ANK2: variants seen among roughly 807,000 people sequenced by gnomAD.
ANK2 encodes ankyrin 2.
In ANK2, 83 loss-of-function variants were observed where a neutral mutation model predicts 360.5. The ratio of observed to expected loss-of-function variants is 0.23; its 90% CI spans 0.19 to 0.28. ANK2 has a LOEUF of 0.28. ANK2 is among the 10% of genes least tolerant of loss of function. The pLI, the probability that ANK2 is intolerant of heterozygous loss-of-function variation, is 1.00. For missense variants in ANK2, 4,201 were observed against 4,795.7 expected (o/e 0.88, Z 3.66); for synonymous variants, 1,740 against 1,759.5 (o/e 0.99, Z 0.28).
intron 43 of ANK2, among the ~76,000 whole-genome samples, chr4:113,372,167 A>C (rs1364898915): frequency 6.6e-6 from 1 of 152,162 alleles, no homozygotes; most frequent in Non-Finnish European, 1.5e-5. Context: ...AGTGGCTCAT[A>C]AGTGTTTACT....
chr4:112,979,519 C>T (rs990152092), intron 2 of ANK2: 5 of 152,158 alleles, frequency 3.3e-5, no homozygotes, highest in Admixed American at 3.3e-4. Context: ...CAAGTTTCAG[C>T]CCTGTTTGTC....
intron 4 of ANK2, among the ~76,000 whole-genome samples, chr4:113,220,187 C>T (rs1012832274): frequency 1.3e-5 from 2 of 152,276 alleles, no homozygotes; most frequent in South Asian, 4.1e-4. Context: ...AAAGAGAATT[C>T]GAGTTTGGTG....
intron 4 of ANK2, among the ~76,000 whole-genome samples, chr4:113,211,514 G>C (rs1340795488): frequency 3.3e-5 from 5 of 152,264 alleles, no homozygotes; most frequent in Non-Finnish European, 5.9e-5. Flanking sequence ...ACCAAAAATT[G>C]TGGAAGCAAT....
At chr4:113,368,201 A>G (rs1458795571) in intron 42 of ANK2, among the ~76,000 whole-genome samples, 1 of 152,174 alleles carries the variant, frequency 6.6e-6, no homozygotes, top group Non-Finnish European at 1.5e-5. Flanking sequence ...TAAACTGTAA[A>G]ATTCCCTGTA....
At chr4:113,087,014 A>C (rs914663108) in intron 1 of ANK2, among the ~76,000 whole-genome samples, 3 of 152,218 alleles carry the variant, frequency 2.0e-5, no homozygotes, top group Non-Finnish European at 4.4e-5. Context: ...GACCTGACCA[A>C]GACAGTTCTT....
At chr4:113,161,288 A>G (rs78845030) in intron 1 of ANK2, among the ~76,000 whole-genome samples, 1,850 of 152,324 alleles carry the variant, frequency 0.012, 28 homozygotes, top group African/African-American at 0.042. Context: ...TTTTGTTGAC[A>G]GAGTTCCAAC....
At chr4:113,329,784 G>A (rs2091858826) in intron 26 of ANK2, among the ~76,000 whole-genome samples, 1 of 152,192 alleles carries the variant, frequency 6.6e-6, no homozygotes, top group Non-Finnish European at 1.5e-5. Context: ...TGTTGGAACA[G>A]GATGCAGAAA....
At position 113,358,633 on chromosome 4, in the gene ANK2, G is replaced by A. The variant is rs2095979744; in HGVS notation, c.10015G>A (p.Ala3339Thr). ...FLSSVDEENKADEAKPKSKLP... is the reference protein window; with the variant it reads ...FLSSVDEENKTDEAKPKSKLP... ...ATCCAGTGTAGATGAGGAAAATAAG[G>A]CGGATGAAGCAAAACCAAAGTCCAA... The change falls in exon 38 of 46, where the codon GCG becomes ACG. Residue 3339 changes from alanine (A) to threonine (T), a missense_variant. Coordinates refer to ENST00000357077, the MANE Select transcript of ANK2 (RefSeq NM_001148.6). 1.9e-6 allele frequency: 3 copies of A among 1,611,928 alleles called. No individual in the cohort carries two copies. The highest frequency in any genetic ancestry group is 2.5e-6 in the Non-Finnish European group (3 of 1,179,264).
chr4:113,228,361 C>T (rs1477267427), intron 4 of ANK2, among the ~76,000 whole-genome samples: 1 of 152,160 alleles, frequency 6.6e-6, no homozygotes, highest in Non-Finnish European at 1.5e-5. Context: ...CCCAAGTCCC[C>T]AAAGTCCATT....
At chr4:113,016,064 A>G (rs529728287) in intron 2 of ANK2, among the ~76,000 whole-genome samples, 36 of 151,858 alleles carry the variant, frequency 2.4e-4, no homozygotes, top group South Asian at 1.0e-3. Flanking sequence ...TTACTCTGTC[A>G]CTCAGGCAGG....
At chr4:113,305,041 T>C (rs1426868759) in intron 23 of ANK2, among the ~76,000 whole-genome samples, 1 of 152,114 alleles carries the variant, frequency 6.6e-6, no homozygotes, top group Admixed American at 6.6e-5. Context: ...ATAAACGAAA[T>C]TTATAAAAAA....
intron 1 of ANK2, among the ~76,000 whole-genome samples, chr4:113,145,155 A>G (rs755707401): frequency 1.3e-5 from 2 of 152,204 alleles, no homozygotes; most frequent in African/African-American, 4.8e-5. Context: ...CAAACTACAC[A>G]ATTATAAAAA....
chr4:112,778,031 G>A, the ANK2 span, among the ~76,000 whole-genome samples: 5 of 149,456 alleles, frequency 3.3e-5, 1 homozygote, highest in South Asian at 1.1e-3. Flanking sequence ...GTGCAATGGC[G>A]CGATCTCGGC....
chr4:113,308,987 T>A (rs2153813983), intron 23 of ANK2, among the ~76,000 whole-genome samples: 1 of 152,320 alleles, frequency 6.6e-6, no homozygotes, highest in East Asian at 1.9e-4. Flanking sequence ...CAGGGGCTCA[T>A]TAAATACATT....
chr4:113,291,104 T>C (rs1331678511), intron 20 of ANK2, among the ~76,000 whole-genome samples: 1 of 152,210 alleles, frequency 6.6e-6, no homozygotes, highest in Non-Finnish European at 1.5e-5. Context: ...TAGTGATATA[T>C]TATTTTATTA....
At position 112,963,820 on chromosome 4, in the gene ANK2, C is replaced by G. The variant is rs554725275; in HGVS notation, c.21+59306C>G. 3.3e-5 allele frequency among the ~76,000 whole-genome samples: 5 copies of G among 151,934 alleles called. No homozygotes were observed. In the South Asian group the frequency reaches 1.0e-3, roughly 32 times the overall value. On this transcript the variant is annotated intron_variant, in intron 2 of 30. Coordinates refer to the ANK2 transcript ENST00000503271. Reference sequence around the variant, plus strand: ...CAAAACATCTAACATTATTTTGAAACACAAAGTGGAAATTTAATAAAAATA... The same window carrying G: ...CAAAACATCTAACATTATTTTGAAAGACAAAGTGGAAATTTAATAAAAATA...
the ANK2 span, among the ~76,000 whole-genome samples, chr4:112,729,817 C>T: frequency 6.6e-6 from 1 of 151,330 alleles, no homozygotes; most frequent in Admixed American, 6.6e-5. Flanking sequence ...ACTACTCAGC[C>T]TTTAAAAAAG....
Position 113,348,057 on chromosome 4 carries a change from C to A in ANK2, c.4372-219C>A, listed in dbSNP as rs2095064033. 8.7e-6 allele frequency: 5 copies of A among 571,834 alleles called. No individual in the cohort carries two copies. The South Asian group carries it at 1.1e-4, about 13-fold the overall frequency. 35.4% of individuals were successfully genotyped at this position (571,834 alleles called of 1,614,324 possible). A position where few individuals can be genotyped will look rare whatever the true frequency, so the allele number is the denominator to read the frequency against. On this transcript the variant is annotated intron_variant, in intron 35 of 45. Coordinates refer to ENST00000357077, the MANE Select transcript of ANK2 (RefSeq NM_001148.6). The stretch of plus-strand genomic sequence containing the variant: ...AATTAGTATATTTATAATGTTGGTT[C>A]TTTTGTCTCTTGAATCTATAAACTT...
intron 4 of ANK2, among the ~76,000 whole-genome samples, chr4:113,199,712 A>G (rs1006456086): frequency 6.6e-6 from 1 of 152,068 alleles, no homozygotes; most frequent in African/African-American, 2.4e-5. Context: ...TTTACTCTTG[A>G]TATCTATTAT....
Sources: gnomAD v4.1 joint callset for allele counts (sites outside exome capture counted in the v4.1 genomes callset) on GRCh38, gnomAD v4.1.1 for gene constraint, MANE v1.5 for transcripts, NCBI Gene and HGNC (gene_info 2026-07-23, HGNC 2026-07-21) for gene names.